The following ARHGAP6 variants were observed in gnomAD, a reference collection of about 807,000 sequenced individuals.
ARHGAP6 encodes Rho GTPase activating protein 6.
A neutral mutation model predicts 55.7 loss-of-function variants in ARHGAP6; 16 were observed. The observed-to-expected ratio is 0.29, with a 90% CI of 0.19 to 0.44. The LOEUF (loss-of-function observed/expected upper bound fraction) is 0.44. ARHGAP6 is among the 20% of genes least tolerant of loss of function. The probability of loss-of-function intolerance (pLI) is 1.00; values close to 1 mark genes in which losing one functional copy is unlikely to be tolerated. For synonymous variants in ARHGAP6, 382 were observed against 360.9 expected (o/e 1.06, Z -0.66); for missense variants, 698 against 808.9 (o/e 0.86, Z 1.66).
chrX:11,414,786 A>G (rs772188256), intron 1 of ARHGAP6, among the ~76,000 whole-genome samples: 65 of 111,933 alleles, frequency 5.8e-4, no homozygotes, highest in Non-Finnish European at 8.6e-4. Context: ...TTTCATTCAT[A>G]AATCACCTCA....
chrX:11,479,657 A>T (rs2050436655), intron 1 of ARHGAP6, among the ~76,000 whole-genome samples: 1 of 111,612 alleles, frequency 9.0e-6, no homozygotes, highest in Non-Finnish European at 1.9e-5. Flanking sequence ...TTTCAAAAGG[A>T]GCCTCGTGTT....
At chrX:11,559,895 T>C (rs1331934238) in intron 1 of ARHGAP6, among the ~76,000 whole-genome samples, 1 of 105,385 alleles carries the variant, frequency 9.5e-6, no homozygotes, top group Non-Finnish European at 1.9e-5. Flanking sequence ...GCCACTGCAC[T>C]CCAGCCTGGG....
intron 1 of ARHGAP6, among the ~76,000 whole-genome samples, chrX:11,425,408 C>T (rs756515407): frequency 8.9e-6 from 1 of 112,211 alleles, no homozygotes; most frequent in African/African-American, 3.2e-5. Context: ...AAGGGTTATA[C>T]TAATATGAAA....
intron 1 of ARHGAP6, among the ~76,000 whole-genome samples, chrX:11,535,467 C>CT (rs2051094166): frequency 2.7e-5 from 3 of 112,165 alleles, no homozygotes; most frequent in African/African-American, 9.7e-5. Context: ...CATGAGGCTA[C>CT]TTGTTTTACT....
chrX:11,175,883 T>C (rs1373033573), intron 8 of ARHGAP6, among the ~76,000 whole-genome samples: 2 of 109,641 alleles, frequency 1.8e-5, no homozygotes, highest in Non-Finnish European at 3.8e-5. Flanking sequence ...CTAATTCCTA[T>C]TCTGTACGTC....
At chrX:11,552,599 T>TAA (rs1491079107) in intron 1 of ARHGAP6, among the ~76,000 whole-genome samples, 1 of 48,230 alleles carries the variant, frequency 2.1e-5, no homozygotes, top group African/African-American at 9.0e-5. Flanking sequence ...TATATATATA[T>TAA]AGACACACAC....
At chrX:11,144,633 CTCTT>C (rs760005654) in intron 10 of ARHGAP6, among the ~76,000 whole-genome samples, 1 of 112,407 alleles carries the variant, frequency 8.9e-6, no homozygotes, top group South Asian at 3.7e-4. Flanking sequence ...TAGTAGATAA[CTCTT>C]TCACTTTCCT....
rs2052742499 is a variant in ARHGAP6 at position 11,665,039 on chromosome X, C to G, written c.-211G>C. ...CAGGAGCAGCAGATCCATCACCAGC[C>G]TTCTAGGAAAATGGGTCTGGGGACC... On this transcript the variant is annotated 5_prime_UTR_variant, in exon 1 of 13. Coordinates refer to ENST00000337414, the MANE Select transcript of ARHGAP6 (RefSeq NM_013427.3). 5.3e-6 allele frequency: 2 copies of G among 376,006 alleles called. No individual in the cohort carries two copies. The highest frequency in any genetic ancestry group is 9.0e-6 in the Non-Finnish European group (2 of 222,464). The allele number at this position is 376,006 out of a possible 1,213,427, so 31.0% of individuals were successfully genotyped here. A position where few individuals can be genotyped will look rare whatever the true frequency, so the allele number is the denominator to read the frequency against.
chrX:11,298,383 A>C, intron 1 of ARHGAP6: 1 of 1,123,628 alleles, frequency 8.9e-7, no homozygotes, highest in Non-Finnish European at 1.2e-6. Flanking sequence ...CATTAATGGG[A>C]AATTTAGTTT....
At chrX:11,496,994 A>T (rs2050628967) in intron 1 of ARHGAP6, among the ~76,000 whole-genome samples, 1 of 111,504 alleles carries the variant, frequency 9.0e-6, no homozygotes, top group Admixed American at 9.5e-5. Flanking sequence ...TTTGGGGCCC[A>T]TATTTGAAAT....
intron 1 of ARHGAP6, among the ~76,000 whole-genome samples, chrX:11,306,549 C>T (rs1192182258): frequency 8.9e-6 from 1 of 112,452 alleles, no homozygotes; most frequent in Non-Finnish European, 1.9e-5. Flanking sequence ...ATTCTCACAA[C>T]GTTATAGAAT....
At chrX:11,466,059 C>T (rs2050290082) in intron 1 of ARHGAP6, among the ~76,000 whole-genome samples, 2 of 111,189 alleles carry the variant, frequency 1.8e-5, no homozygotes, top group Admixed American at 1.9e-4. Flanking sequence ...TACACAGAGA[C>T]TTTCCTGATC....
At chrX:11,303,191 T>C (rs911839594) in intron 1 of ARHGAP6, among the ~76,000 whole-genome samples, 4 of 112,855 alleles carry the variant, frequency 3.5e-5, no homozygotes, top group African/African-American at 1.3e-4. Context: ...CTTATGTCTG[T>C]TGTGAAATTC....
chrX:11,289,964 G>A (rs778714847), intron 1 of ARHGAP6, among the ~76,000 whole-genome samples: 2 of 112,085 alleles, frequency 1.8e-5, no homozygotes, highest in African/African-American at 6.5e-5. Flanking sequence ...CAGCCTGGGC[G>A]ACAGAGCGAG....
chrX:11,457,921 T>C (rs1419522891), intron 1 of ARHGAP6, among the ~76,000 whole-genome samples: 17 of 112,121 alleles, frequency 1.5e-4, no homozygotes, highest in Non-Finnish European at 3.0e-4. Flanking sequence ...ACTGTGTTCC[T>C]GCAGTTACCT....
intron 1 of ARHGAP6, among the ~76,000 whole-genome samples, chrX:11,518,396 G>C (rs1277849253): frequency 9.1e-6 from 1 of 109,320 alleles, no homozygotes; most frequent in Non-Finnish European, 1.9e-5. Flanking sequence ...TTCCTGCCTT[G>C]GCCTCCCAAA....
intron 2 of ARHGAP6, among the ~76,000 whole-genome samples, chrX:11,217,013 G>C (rs1275388295): frequency 9.0e-6 from 1 of 111,377 alleles, no homozygotes; most frequent in Admixed American, 9.5e-5. Flanking sequence ...ATGGTTTCCA[G>C]CTTCATCCAT....
intron 2 of ARHGAP6, among the ~76,000 whole-genome samples, chrX:11,204,719 C>T (rs781648225): frequency 1.8e-5 from 2 of 112,031 alleles, no homozygotes; most frequent in Non-Finnish European, 3.8e-5. Context: ...GCAGTCTCTC[C>T]AGCTACCTAC....
chrX:11,601,242 A>G (rs964683496), intron 1 of ARHGAP6, among the ~76,000 whole-genome samples: 6 of 111,306 alleles, frequency 5.4e-5, no homozygotes, highest in Non-Finnish European at 7.5e-5. Flanking sequence ...GGACAGCAGC[A>G]GTGTATGGGA....
Sources: gnomAD v4.1 joint callset for allele counts (sites outside exome capture counted in the v4.1 genomes callset) on GRCh38, gnomAD v4.1.1 for gene constraint, MANE v1.5 for transcripts, NCBI Gene and HGNC (gene_info 2026-07-23, HGNC 2026-07-21) for gene names.